The following CDC42BPA variants were observed in gnomAD, a reference collection of about 807,000 sequenced individuals.
CDC42BPA encodes the protein CDC42 binding protein kinase alpha.
CDC42BPA carries 80 observed loss-of-function variants against 223.5 expected under a neutral mutation model. The ratio of observed to expected loss-of-function variants is 0.36; its 90% CI spans 0.30 to 0.43. The LOEUF is 0.43. Ranked by LOEUF, CDC42BPA falls within the 20% of genes least tolerant of loss-of-function variation. CDC42BPA has a pLI of 1.00. For synonymous variants in CDC42BPA, 694 were observed against 718.6 expected (o/e 0.97, Z 0.55); for missense variants, 1,743 against 2,099.9 (o/e 0.83, Z 3.32).
intron 6 of CDC42BPA, among the ~76,000 whole-genome samples, chr1:227,151,881 CAAAAAAAAA>C (rs58336726): frequency 2.9e-4 from 25 of 85,774 alleles, no homozygotes; most frequent in African/African-American, 1.2e-3. Flanking sequence ...CCAGTCTCTA[CAAAAAAAAA>C]AAAAAAAAAA....
intron 6 of CDC42BPA, 45 bp from the exon 7 acceptor site, chr1:227,147,604 AATATTTTAAATAGTT>A: frequency 8.6e-6 from 9 of 1,048,642 alleles, no homozygotes; most frequent in Non-Finnish European, 1.2e-5. Flanking sequence ...TTAGAAATAA[AATATTTTAAATAGTT>A]ACTTAAGATA....
chr1:227,124,497 C>T (rs571378231), intron 11 of CDC42BPA, among the ~76,000 whole-genome samples: 4 of 151,374 alleles, frequency 2.6e-5, no homozygotes, highest in African/African-American at 9.7e-5. Flanking sequence ...TTCTTCAGAG[C>T]CAAATTAAAG....
chr1:227,222,111 T>G (rs1483397035), intron 2 of CDC42BPA, among the ~76,000 whole-genome samples: 2 of 149,594 alleles, frequency 1.3e-5, no homozygotes, highest in African/African-American at 4.9e-5. Flanking sequence ...TGCATGCCTG[T>G]GATCCCAGCT....
In CDC42BPA at chr1:227,318,066, AGCCGCGCCGC is replaced by A. The variant is rs1232143703; in HGVS notation, c.-894_-885del. On this transcript the variant is annotated 5_prime_UTR_variant, in exon 1 of 37. Coordinates refer to ENST00000366766, the MANE Select transcript of CDC42BPA (RefSeq NM_001394014.1). ...CATGTCGGTGGTCGCTCGTGGGCCG[AGCCGCGCCGC>A]GCCGCGCCGGGCAGAGAGCCCGGTC... is the stretch of plus-strand genomic sequence containing the variant. 5 of 283,926 alleles carry A rather than the reference AGCCGCGCCGC, an allele frequency of 1.8e-5. No homozygotes were observed. Among genetic ancestry groups the A allele is most frequent in the Non-Finnish European group, 3.2e-5 (5 of 154,598 alleles). The allele number at this position is 283,926 out of a possible 1,614,324, so 17.6% of individuals were successfully genotyped here. A position where few individuals can be genotyped will look rare whatever the true frequency, so the allele number is the denominator to read the frequency against.
chr1:227,145,423 A>G, intron 8 of CDC42BPA, 66 bp downstream of exon 8: 1 of 1,429,204 alleles, frequency 7.0e-7, no homozygotes. Context: ...ATAAACCAAA[A>G]AATTACTATA....
chr1:227,171,141 A>G (rs1666030906), intron 5 of CDC42BPA, among the ~76,000 whole-genome samples: 1 of 152,252 alleles, frequency 6.6e-6, no homozygotes, highest in Non-Finnish European at 1.5e-5. Context: ...AATGTTTGGA[A>G]GAGATAAAAT....
In CDC42BPA at chr1:227,035,615, AG is replaced by A. The variant is rs781130381; in HGVS notation, c.3200-9del. The A allele has an allele frequency of 6.4e-7, 1 of 1,564,736 alleles. No homozygotes were observed. Among genetic ancestry groups the A allele is most frequent in the South Asian group, 1.2e-5 (1 of 82,692 alleles). ...GGCATGAGAATCCACACACTTTTAG[AG>A]GGAAAAAAGAAACGTTTGATAAAAA... is the stretch of plus-strand genomic sequence containing the variant. On this transcript the variant is annotated splice_polypyrimidine_tract_variant and intron_variant, in intron 24 of 36. Transcript: ENST00000366766.
In CDC42BPA at chr1:227,233,248, A is replaced by G. The variant is rs940513417; in HGVS notation, c.271-20029T>C. ...GTTACAGAATTTCACCACGTTGGCC[A>G]GGATGGTCTCAATCTCCTGACCTTG... On this transcript the variant is annotated intron_variant, in intron 2 of 36. Transcript: ENST00000366766. 1.4e-4 allele frequency among the ~76,000 whole-genome samples: 22 copies of G among 152,300 alleles called. No homozygotes were observed. In the South Asian group the frequency reaches 1.7e-3, roughly 11 times the overall value.
intron 23 of CDC42BPA, among the ~76,000 whole-genome samples, chr1:227,042,296 T>TGA (rs1288622437): frequency 2.5e-4 from 10 of 39,460 alleles, no homozygotes; most frequent in African/African-American, 6.8e-4. Flanking sequence ...TATACATATA[T>TGA]GATATATATA....
chr1:227,054,655 AAC>A (rs1444003780), intron 21 of CDC42BPA, among the ~76,000 whole-genome samples: 1 of 152,178 alleles, frequency 6.6e-6, no homozygotes, highest in Admixed American at 6.6e-5. Flanking sequence ...TGAGGCTTTT[AAC>A]ACACACCTCT....
chr1:227,027,569 G>C (rs1668495987), intron 30 of CDC42BPA, among the ~76,000 whole-genome samples: 2 of 151,960 alleles, frequency 1.3e-5, no homozygotes, highest in Non-Finnish European at 2.9e-5. Flanking sequence ...ACATGCTCAA[G>C]TATTTTTCAT....
chr1:227,213,635 CAAGG>C (rs1394860728), intron 2 of CDC42BPA, among the ~76,000 whole-genome samples: 2 of 152,018 alleles, frequency 1.3e-5, no homozygotes, highest in African/African-American at 2.4e-5. Flanking sequence ...CACCATGTTA[CAAGG>C]AAGGCCAGCT....
chr1:227,210,268 C>T (rs1175134829), intron 3 of CDC42BPA, among the ~76,000 whole-genome samples: 1 of 152,124 alleles, frequency 6.6e-6, no homozygotes, highest in Admixed American at 6.6e-5. Flanking sequence ...AATGGTATTT[C>T]GAGGACTATT....
chr1:227,235,249 C>T (rs1678788361), intron 2 of CDC42BPA: 1 of 152,184 alleles, frequency 6.6e-6, no homozygotes. Context: ...AGAAAACTGA[C>T]TAGGGTGACA....
intron 21 of CDC42BPA, among the ~76,000 whole-genome samples, chr1:227,063,357 C>T (rs1332681784): frequency 6.6e-6 from 1 of 152,010 alleles, no homozygotes; most frequent in African/African-American, 2.4e-5. Flanking sequence ...TGAAGGTATG[C>T]ACACAAGCAG....
intron 1 of CDC42BPA, among the ~76,000 whole-genome samples, chr1:227,291,341 G>T (rs1689661854): frequency 6.6e-6 from 1 of 152,110 alleles, no homozygotes; most frequent in African/African-American, 2.4e-5. Flanking sequence ...TTGAGGTCAG[G>T]AGTTCAAAAC....
At chr1:227,108,458 G>C (rs567043775) in intron 14 of CDC42BPA, among the ~76,000 whole-genome samples, 1 of 151,872 alleles carries the variant, frequency 6.6e-6, no homozygotes, top group African/African-American at 2.4e-5. Context: ...ATTGTGGTTG[G>C]AGATGATACC....
chr1:227,072,201 C>A lies in CDC42BPA; in HGVS notation c.2827+7G>T. The A allele has an allele frequency of 6.5e-7, 1 of 1,549,588 alleles. No homozygotes were observed. The highest frequency in any genetic ancestry group is 8.9e-7 in the Non-Finnish European group (1 of 1,124,572). ...GTCCTGAGTGAGGCAAACACACACT[C>A]CCATACCCTTTTCAGATCTAAGCTC... On this transcript the variant is annotated splice_region_variant and intron_variant, in intron 20 of 36. Coordinates refer to ENST00000366766, the MANE Select transcript of CDC42BPA (RefSeq NM_001394014.1).
Position 227,072,098 on chromosome 1 carries a change from T to G in CDC42BPA, c.2827+110A>C, listed in dbSNP as rs539485189. 57 of 612,020 alleles carry G rather than the reference T, an allele frequency of 9.3e-5. No individual in the cohort carries two copies. In the Admixed American group the frequency reaches 1.7e-3, roughly 18 times the overall value. 37.9% of individuals were successfully genotyped at this position (612,020 alleles called of 1,614,324 possible). A position where few individuals can be genotyped will look rare whatever the true frequency, so the allele number is the denominator to read the frequency against. ...TATATTCATAAATGAGTGCCAGAAT[T>G]GCTTATGTCAACAATTCTCCCACCT... On this transcript the variant is annotated intron_variant, in intron 20 of 36. Transcript: ENST00000366766.
Sources: gnomAD v4.1 joint callset for allele counts (sites outside exome capture counted in the v4.1 genomes callset) on GRCh38, gnomAD v4.1.1 for gene constraint, MANE v1.5 for transcripts, NCBI Gene and HGNC (gene_info 2026-07-23, HGNC 2026-07-21) for gene names.